BEND5: variants seen among roughly 807,000 people sequenced by gnomAD.
BEND5 encodes BEN domain containing 5.
Under a neutral mutation model 43.9 loss-of-function variants are expected in BEND5, and 22 were observed. The observed-to-expected ratio is 0.50, with a 90% CI of 0.36 to 0.72. The LOEUF (loss-of-function observed/expected upper bound fraction) is 0.72. Ranked by LOEUF, BEND5 falls within the 30% of genes least tolerant of loss-of-function variation. The probability of loss-of-function intolerance (pLI) is 0.00; values close to 1 mark genes in which losing one functional copy is unlikely to be tolerated. For synonymous variants in BEND5, 228 were observed against 225.9 expected (o/e 1.01, Z -0.08); for missense variants, 428 against 550.6 (o/e 0.78, Z 2.23).
chr1:48,743,833 G>A (rs1015453822), intron 3 of BEND5, among the ~76,000 whole-genome samples: 2 of 152,346 alleles, frequency 1.3e-5, no homozygotes, highest in East Asian at 3.9e-4. Flanking sequence ...TGGTGGCAGT[G>A]AAGGTCCTGG....
intron 5 of BEND5, among the ~76,000 whole-genome samples, chr1:48,733,664 C>T (rs1169030474): frequency 6.6e-6 from 1 of 152,180 alleles, no homozygotes; most frequent in African/African-American, 2.4e-5. Context: ...CATTGCTGCA[C>T]TGCTACAATC....
At position 48,732,924 on chromosome 1, in the gene BEND5, C is replaced by G. The variant is rs17104732; in HGVS notation, c.1108+3315G>C. ...GGGAAGAAATCCCCAGCGTGCAGAA[C>G]AGGTTTCTCAGTGAAGGAGGAATGA... On this transcript the variant is annotated intron_variant, in intron 5 of 5. Coordinates refer to ENST00000371833, the MANE Select transcript of BEND5 (RefSeq NM_024603.4). Among the ~76,000 whole-genome samples, 772 of 152,264 alleles carry G rather than the reference C, an allele frequency of 5.1e-3. 9 individuals carry two copies. The highest frequency in any genetic ancestry group is 0.018 in the African/African-American group (742 of 41,546).
At chr1:48,746,387 A>T (rs1023728852) in intron 3 of BEND5, among the ~76,000 whole-genome samples, 1 of 152,090 alleles carries the variant, frequency 6.6e-6, no homozygotes, top group Non-Finnish European at 1.5e-5. Flanking sequence ...CCCAGCACAG[A>T]GCAGGTCCTT....
chr1:48,731,925 G>A (rs752134856), intron 5 of BEND5, among the ~76,000 whole-genome samples: 6 of 152,160 alleles, frequency 3.9e-5, no homozygotes, highest in Non-Finnish European at 5.9e-5. Context: ...GTTACATAAT[G>A]GAGAGAGGAG....
At chr1:48,766,141 CAG>C (rs1343676594) in intron 1 of BEND5, among the ~76,000 whole-genome samples, 4 of 152,188 alleles carry the variant, frequency 2.6e-5, no homozygotes, top group Non-Finnish European at 5.9e-5. Flanking sequence ...TACTACATGT[CAG>C]ATACCTCTAT....
chr1:48,737,314 A>G (rs938973929), intron 4 of BEND5, among the ~76,000 whole-genome samples: 1 of 152,114 alleles, frequency 6.6e-6, no homozygotes, highest in African/African-American at 2.4e-5. Flanking sequence ...GAAAAGAAAA[A>G]AAAATCATCA....
At chr1:48,737,742 A>C (rs1233711552) in intron 4 of BEND5, among the ~76,000 whole-genome samples, 7 of 152,228 alleles carry the variant, frequency 4.6e-5, no homozygotes, top group Non-Finnish European at 8.8e-5. Flanking sequence ...AAAAGAAAAA[A>C]GAGTATAAAA....
chr1:48,733,280 T>A (rs1323514735), intron 5 of BEND5, among the ~76,000 whole-genome samples: 2 of 151,926 alleles, frequency 1.3e-5, no homozygotes, highest in Non-Finnish European at 2.9e-5. Flanking sequence ...AGGAACAAGG[T>A]ACTTAGGAAG....
At chr1:48,760,233 C>T (rs887433627) in intron 2 of BEND5, among the ~76,000 whole-genome samples, 1 of 152,218 alleles carries the variant, frequency 6.6e-6, no homozygotes, top group Non-Finnish European at 1.5e-5. Context: ...CAAGTAGCTA[C>T]AGCTTCTACT....
intron 3 of BEND5, among the ~76,000 whole-genome samples, chr1:48,743,715 T>C (rs1650291385): frequency 6.6e-6 from 1 of 152,238 alleles, no homozygotes; most frequent in Non-Finnish European, 1.5e-5. Flanking sequence ...CAGCCTTCTC[T>C]TATCCTAGCC....
chr1:48,748,956 C>T (rs1178156150), intron 3 of BEND5, among the ~76,000 whole-genome samples: 2 of 152,090 alleles, frequency 1.3e-5, no homozygotes, highest in African/African-American at 2.4e-5. Flanking sequence ...GCAGCTGACA[C>T]AGATGCCTCC....
chr1:48,738,874 G>A (rs1308703451), intron 4 of BEND5, among the ~76,000 whole-genome samples: 1 of 152,104 alleles, frequency 6.6e-6, no homozygotes, highest in Non-Finnish European at 1.5e-5. Context: ...TCCTCATAAT[G>A]ACCTTAAGAG....
At chr1:48,739,593 G>A (rs1343496581) in intron 4 of BEND5, among the ~76,000 whole-genome samples, 1 of 152,120 alleles carries the variant, frequency 6.6e-6, no homozygotes, top group Non-Finnish European at 1.5e-5. Context: ...TTCTACCTGC[G>A]TGCTGGTTAA....
chr1:48,732,964 G>A (rs1648390789), intron 5 of BEND5, among the ~76,000 whole-genome samples: 1 of 152,188 alleles, frequency 6.6e-6, no homozygotes, highest in Non-Finnish European at 1.5e-5. Flanking sequence ...GTCAAACAGT[G>A]CCAGTGAGAC....
At chr1:48,743,932 A>C (rs1650323799) in intron 3 of BEND5, among the ~76,000 whole-genome samples, 1 of 152,236 alleles carries the variant, frequency 6.6e-6, no homozygotes, top group African/African-American at 2.4e-5. Context: ...TGAAAGACGA[A>C]GTCTCTGTAG....
At chr1:48,739,048 G>A (rs1649504615) in intron 4 of BEND5, among the ~76,000 whole-genome samples, 1 of 152,144 alleles carries the variant, frequency 6.6e-6, no homozygotes, top group African/African-American at 2.4e-5. Flanking sequence ...TGCCACCACG[G>A]TGGTACTGAT....
At chr1:48,766,340 A>G (rs993221728) in intron 1 of BEND5, among the ~76,000 whole-genome samples, 1 of 152,238 alleles carries the variant, frequency 6.6e-6, no homozygotes, top group Non-Finnish European at 1.5e-5. Flanking sequence ...CCTATGCTTT[A>G]AACACATTCC....
chr1:48,748,465 T>C (rs1243028381), intron 3 of BEND5, among the ~76,000 whole-genome samples: 2 of 152,150 alleles, frequency 1.3e-5, no homozygotes, highest in African/African-American at 4.8e-5. Flanking sequence ...CCACCAGCCA[T>C]GTGGCTAACA....
At chr1:48,737,586 C>T (rs1486087282) in intron 4 of BEND5, among the ~76,000 whole-genome samples, 1 of 152,170 alleles carries the variant, frequency 6.6e-6, no homozygotes, top group East Asian at 1.9e-4. Context: ...ACAAGGTACC[C>T]AGTTTGATTC....
Sources: allele counts gnomAD v4.1 joint callset (sites outside exome capture counted in the v4.1 genomes callset), GRCh38; gene constraint gnomAD v4.1.1; transcripts MANE v1.5; gene names NCBI Gene and HGNC (gene_info 2026-07-23, HGNC 2026-07-21).